SRCIN1: variants seen among roughly 807,000 people sequenced by gnomAD.
The protein encoded by SRCIN1 is SRC kinase signaling inhibitor 1.
A neutral mutation model predicts 116.2 loss-of-function variants in SRCIN1; 50 were observed. That is an observed-to-expected ratio of 0.43 (90% CI 0.34 to 0.54). The LOEUF (loss-of-function observed/expected upper bound fraction) is 0.54. Ranked by LOEUF, SRCIN1 falls within the 20% of genes least tolerant of loss-of-function variation. SRCIN1 has a pLI of 0.02. For synonymous variants in SRCIN1, 736 were observed against 750.0 expected (o/e 0.98, Z 0.30); for missense variants, 1,446 against 1,672.0 (o/e 0.86, Z 2.36).
chr17:38,548,859 C>A, intron 16 of SRCIN1, 150 bp from the exon 17 acceptor site: 4 of 1,306,500 alleles, frequency 3.1e-6, no homozygotes, highest in Non-Finnish European at 4.1e-6. Flanking sequence ...CAGACAGGGG[C>A]CTGGCATGGA....
At chr17:38,547,594 G>C (rs1032554931) in intron 17 of SRCIN1, among the ~76,000 whole-genome samples, 1 of 152,118 alleles carries the variant, frequency 6.6e-6, no homozygotes, top group Admixed American at 6.5e-5. Context: ...TCCTTGGAGT[G>C]GGGGAGGGGT....
intron 2 of SRCIN1, among the ~76,000 whole-genome samples, chr17:38,573,349 C>T (rs560935545): frequency 2.0e-5 from 3 of 152,316 alleles, no homozygotes; most frequent in Admixed American, 2.0e-4. Flanking sequence ...TCCTGCCCTG[C>T]TGTGTGGTTC....
At chr17:38,598,465 A>C (rs1026136931) in intron 1 of SRCIN1, among the ~76,000 whole-genome samples, 1 of 152,128 alleles carries the variant, frequency 6.6e-6, no homozygotes, top group African/African-American at 2.4e-5. Context: ...GCTCTGCACA[A>C]GCAGAAACAG....
intron 10 of SRCIN1, chr17:38,559,258 G>T: frequency 2.1e-6 from 1 of 472,456 alleles, no homozygotes; most frequent in Non-Finnish European, 3.8e-6. Context: ...ACTGCCCCGA[G>T]GGATACTGAC....
intron 2 of SRCIN1, among the ~76,000 whole-genome samples, chr17:38,576,627 C>CA (rs1271443242): frequency 1.3e-5 from 2 of 152,100 alleles, no homozygotes; most frequent in African/African-American, 4.8e-5. Context: ...AGAGCATCCC[C>CA]AAGAATGCCC....
Position 38,561,634 on chromosome 17 carries a change from C to T in SRCIN1, c.1529G>A (p.Arg510His). 7 of 1,577,190 alleles carry T rather than the reference C, an allele frequency of 4.4e-6. No homozygotes were observed. Among genetic ancestry groups the T allele is most frequent in the African/African-American group, 1.4e-5 (1 of 72,596 alleles). The part of the protein sequence containing the change: ...SRGSPVRQSF[R>H]KDSGSSSVFA... Reference sequence around the variant, plus strand: ...GACGGACGAGGAGCCCGAGTCCTTGCGGAAGGACTGGCGCACTGGCGAGCC... The same window carrying T: ...GACGGACGAGGAGCCCGAGTCCTTGTGGAAGGACTGGCGCACTGGCGAGCC... Residue 510 changes from arginine to histidine, a missense_variant, in exon 7 of 19, where the codon CGC becomes CAC. By Grantham distance (29) the Arg-to-His change is conservative (BLOSUM62 0). Coordinates refer to ENST00000617146, the MANE Select transcript of SRCIN1 (RefSeq NM_025248.3).
intron 18 of SRCIN1, chr17:38,542,052 T>TCGG (rs1567851069): frequency 2.8e-5 from 3 of 105,268 alleles, no homozygotes; most frequent in African/African-American, 1.1e-4. Context: ...TATGCAGGTG[T>TCGG]GGGGGGGGTC....
At chr17:38,550,706 T>C (rs537610757) in intron 15 of SRCIN1, among the ~76,000 whole-genome samples, 2 of 152,122 alleles carry the variant, frequency 1.3e-5, no homozygotes, top group African/African-American at 4.8e-5. Context: ...CAATATGCAT[T>C]GCAGGAATGA....
intron 1 of SRCIN1, among the ~76,000 whole-genome samples, chr17:38,584,762 G>A (rs187476144): frequency 8.3e-4 from 127 of 152,284 alleles, no homozygotes; most frequent in African/African-American, 2.9e-3. Context: ...TCTTTACCCC[G>A]GATGTAACCC....
intron 1 of SRCIN1, among the ~76,000 whole-genome samples, chr17:38,590,116 C>T (rs935772175): frequency 2.0e-5 from 3 of 152,198 alleles, no homozygotes; most frequent in South Asian, 2.1e-4. Flanking sequence ...TCCCCTTCTG[C>T]GAAAGACACA....
chr17:38,538,649 C>G (rs1399275294), intron 18 of SRCIN1, among the ~76,000 whole-genome samples: 1 of 152,030 alleles, frequency 6.6e-6, no homozygotes, highest in African/African-American at 2.4e-5. Flanking sequence ...ACACGTGAGG[C>G]CCAGTGTTGC....
rs1907610162 is a variant in SRCIN1 at position 38,578,850 on chromosome 17, T to G, written c.23-59A>C. ...GGCGCGCCCGGCCTGGGGCTGCCCA[T>G]CCCCCAAGGGGGTCCCTGCGGGAAG... On this transcript the variant is annotated intron_variant, in intron 1 of 18. Coordinates refer to ENST00000617146, the MANE Select transcript of SRCIN1 (RefSeq NM_025248.3). 8 of 1,438,662 alleles carry G rather than the reference T, an allele frequency of 5.6e-6. No individual in the cohort carries two copies. The African/African-American group carries it at 1.2e-4, about 21-fold the overall frequency. 89.1% of individuals were successfully genotyped at this position (1,438,662 alleles called of 1,614,324 possible). A position where few individuals can be genotyped will look rare whatever the true frequency, so the allele number is the denominator to read the frequency against.
At position 38,533,435 on chromosome 17, in the gene SRCIN1, G is replaced by C. The variant is rs2040953523; in HGVS notation, c.3418-4C>G. 1.9e-6 allele frequency: 3 copies of C among 1,611,888 alleles called. No homozygotes were observed. The highest frequency in any genetic ancestry group is 2.5e-6 in the Non-Finnish European group (3 of 1,179,174). On this transcript the variant is annotated splice_polypyrimidine_tract_variant and splice_region_variant and intron_variant, in intron 18 of 18. Coordinates refer to ENST00000617146, the MANE Select transcript of SRCIN1 (RefSeq NM_025248.3). Reference sequence around the variant, plus strand: ...TCTCTTTAGATGGTTTAGTGGCCTGGAACAAAAACAGGGGTCAGGGGTCAG... The same window carrying C: ...TCTCTTTAGATGGTTTAGTGGCCTGCAACAAAAACAGGGGTCAGGGGTCAG...
chr17:38,540,183 T>C (rs966281613), intron 18 of SRCIN1, among the ~76,000 whole-genome samples: 2 of 152,156 alleles, frequency 1.3e-5, no homozygotes, highest in African/African-American at 4.8e-5. Context: ...CTCCCGTCCC[T>C]CCCTGGGATC....
chr17:38,592,543 C>G lies in SRCIN1; in HGVS notation c.22+13141G>C, dbSNP rs370914943. On this transcript the variant is annotated intron_variant, in intron 1 of 18. Coordinates refer to ENST00000617146, the MANE Select transcript of SRCIN1 (RefSeq NM_025248.3). ...CAAGGCTCAAATCTCACCTTGGCCA[C>G]TTCCCATATGTGTGACCTTGAACAA... Among the ~76,000 whole-genome samples the G allele has an allele frequency of 4.6e-5, 7 of 152,222 alleles. No homozygotes were observed. The East Asian group carries it at 5.8e-4, about 13-fold the overall frequency.
chr17:38,534,973 T>A (rs537057753), intron 18 of SRCIN1, among the ~76,000 whole-genome samples: 57 of 151,170 alleles, frequency 3.8e-4, no homozygotes, highest in Admixed American at 1.3e-3. Context: ...AAAAAAAAAA[T>A]TTTTTTTAAA....
intron 1 of SRCIN1, among the ~76,000 whole-genome samples, chr17:38,593,734 T>A (rs1280008386): frequency 5.9e-5 from 9 of 152,102 alleles, no homozygotes; most frequent in Non-Finnish European, 1.3e-4. Flanking sequence ...AACTCAGCAA[T>A]GACTAAATGA....
chr17:38,558,434 G>T lies in SRCIN1; in HGVS notation c.2026-32C>A, dbSNP rs559229293. On this transcript the variant is annotated intron_variant, in intron 10 of 18. Coordinates refer to ENST00000617146, the MANE Select transcript of SRCIN1 (RefSeq NM_025248.3). This position sits in a 1 kb window ranked among gnomAD's most constrained non-coding sequence, Gnocchi z 4.6. ...GACGCACGGACGGATGGACCCGGGTGGGGGGAGCGGAGCCGCGAGGCAGGG... is the reference window on the plus strand; with the variant it reads ...GACGCACGGACGGATGGACCCGGGTTGGGGGAGCGGAGCCGCGAGGCAGGG... 3.0e-5 allele frequency: 46 copies of T among 1,557,180 alleles called. No homozygotes were observed. Among genetic ancestry groups the T allele is most frequent in the African/African-American group, 5.5e-5 (4 of 73,158 alleles).
Position 38,552,084 on chromosome 17 carries a change from C to A in SRCIN1, c.2529G>T (p.Gln843His). ...TCTCTGCCGTCACCTTCTTGGGGGA[C>A]TGACTCAGGAGATTGTTGGGGGGTG... Reference protein sequence around the residue: ...VWPPPNNLLSQSPKKVTAETD... With the variant: ...VWPPPNNLLSHSPKKVTAETD... Residue 843 changes from glutamine to histidine, a missense_variant, in exon 14 of 19, where the codon CAG becomes CAT. Physicochemically the swap from Gln to His is conservative, Grantham distance 24 (BLOSUM62 0). Coordinates refer to ENST00000617146, the MANE Select transcript of SRCIN1 (RefSeq NM_025248.3). The surrounding 1 kb of genome is among the most constrained non-coding windows in gnomAD (Gnocchi z 5.3). 6.2e-7 allele frequency: 1 copy of A among 1,613,602 alleles called. No individual in the cohort carries two copies. Among genetic ancestry groups the A allele is most frequent in the Non-Finnish European group, 8.5e-7 (1 of 1,179,858 alleles).
Sources: allele counts gnomAD v4.1 joint callset (sites outside exome capture counted in the v4.1 genomes callset), GRCh38; gene constraint gnomAD v4.1.1; non-coding constraint Gnocchi (gnomAD v3.1); transcripts MANE v1.5; gene names NCBI Gene and HGNC (gene_info 2026-07-23, HGNC 2026-07-21).